SYT5: variants seen among roughly 807,000 people sequenced by gnomAD.
SYT5 encodes synaptotagmin-5.
SYT5 carries 29 observed loss-of-function variants against 36.0 expected under a neutral mutation model. The ratio of observed to expected loss-of-function variants is 0.81; its 90% CI spans 0.60 to 1.10. SYT5 has a LOEUF of 1.10. SYT5 is among the 50% of genes least tolerant of loss of function. SYT5 has a pLI of 0.00. For synonymous variants in SYT5, 231 were observed against 227.6 expected (o/e 1.02, Z -0.14); for missense variants, 512 against 516.0 (o/e 0.99, Z 0.08).
intron 3 of SYT5, among the ~76,000 whole-genome samples, chr19:55,176,413 C>T (rs1242292821): frequency 1.3e-5 from 2 of 152,172 alleles, no homozygotes; most frequent in Admixed American, 6.5e-5. Flanking sequence ...TCCCATTGCC[C>T]ACAGGAATAA....
At position 55,178,240 on chromosome 19, in the gene SYT5, G is replaced by A. The variant is rs761771414; in HGVS notation, c.208C>T (p.His70Tyr). 2 of 1,609,862 alleles carry A rather than the reference G, an allele frequency of 1.2e-6. No individual in the cohort carries two copies. Among genetic ancestry groups the A allele is most frequent in the South Asian group, 2.2e-5 (2 of 90,146 alleles). ...CCCAGCCCCTTCACTTCCTGAAGGT[G>A]GACCTGGGCTTGGGCCTGGCTCTTC... ...GKKSQAQAQVHLQEVKGLGQS... is the reference protein window; with the variant it reads ...GKKSQAQAQVYLQEVKGLGQS... The change falls in exon 3 of 9, where the codon CAC becomes TAC. Residue 70 changes from histidine (H) to tyrosine (Y), a missense_variant. By Grantham distance (83) the His-to-Tyr change is moderately conservative (BLOSUM62 2). Coordinates refer to ENST00000354308, the MANE Select transcript of SYT5 (RefSeq NM_003180.3).
chr19:55,175,999 A>T lies in SYT5; in HGVS notation c.372+6T>A, dbSNP rs1599944731. The stretch of plus-strand genomic sequence containing the variant: ...CCTCCAAAGCTTCCCCTTCCTCCAC[A>T]CCCACCTGGCCACTCTGGAAGTCAT... On this transcript the variant is annotated splice_donor_region_variant and intron_variant, in intron 4 of 8. Coordinates refer to ENST00000354308, the MANE Select transcript of SYT5 (RefSeq NM_003180.3). This position sits in a 1 kb window ranked among gnomAD's most constrained non-coding sequence, Gnocchi z 4.5. 1.2e-6 allele frequency: 2 copies of T among 1,613,796 alleles called. No homozygotes were observed. Among genetic ancestry groups the T allele is most frequent in the Non-Finnish European group, 1.7e-6 (2 of 1,179,960 alleles).
rs1336309033 is a variant in SYT5 at position 55,171,713 on chromosome 19, C to T, written c.*1771G>A. ...AGATGCGGCGGCTCATGTCTACAGT[C>T]CCAGCTACTCACACAGGAGGATTGC... On this transcript the variant is annotated 3_prime_UTR_variant, in exon 9 of 9. Transcript: ENST00000354308. 1 of 152,064 alleles carries T rather than the reference C, an allele frequency of 6.6e-6. No homozygotes were observed. The highest frequency in any genetic ancestry group is 2.4e-5 in the African/African-American group (1 of 41,396). 9.4% of individuals were successfully genotyped at this position (152,064 alleles called of 1,614,324 possible). A position where few individuals can be genotyped will look rare whatever the true frequency, so the allele number is the denominator to read the frequency against.
In SYT5 at chr19:55,178,313, G is replaced by A. The variant is rs773075079; in HGVS notation, c.135C>T (p.Ser45=). 1 of 1,612,154 alleles carries A rather than the reference G, an allele frequency of 6.2e-7. No individual in the cohort carries two copies. The highest frequency in any genetic ancestry group is 8.5e-7 in the Non-Finnish European group (1 of 1,179,434). The change falls in exon 3 of 9, where the codon AGC becomes AGT. Residue 45 remains serine (S), a synonymous_variant. Coordinates refer to ENST00000354308, the MANE Select transcript of SYT5 (RefSeq NM_003180.3). ...TCTTCCGGTAGAGACAGAAACAGCAGCTGAAGATGAGGAGGCCTGAGACCA... is the reference window on the plus strand; with the variant it reads ...TCTTCCGGTAGAGACAGAAACAGCAACTGAAGATGAGGAGGCCTGAGACCA... ...IVLVSGLLIF[S]CCFCLYRKSC...
rs1385640906 is a variant in SYT5 at position 55,175,571 on chromosome 19, T to A, written c.540+138A>T. The A allele has an allele frequency of 8.1e-7, 1 of 1,237,424 alleles. No individual in the cohort carries two copies. Among genetic ancestry groups the A allele is most frequent in the East Asian group, 2.4e-5 (1 of 42,274 alleles). The allele number at this position is 1,237,424 out of a possible 1,614,324, so 76.7% of individuals were successfully genotyped here. A position where few individuals can be genotyped will look rare whatever the true frequency, so the allele number is the denominator to read the frequency against. ...GCCCAGGAGTCAGTAGTGCCCAGGG[T>A]CCAGTGGAATAGCCCCAGAGCTGGT... On this transcript the variant is annotated intron_variant, in intron 5 of 8. Coordinates refer to ENST00000354308, the MANE Select transcript of SYT5 (RefSeq NM_003180.3). This position sits in a 1 kb window ranked among gnomAD's most constrained non-coding sequence, Gnocchi z 4.5.
Position 55,175,056 on chromosome 19 carries a change from G to C in SYT5, c.709-57C>G, listed in dbSNP as rs1161308828. 3 of 1,603,642 alleles carry C rather than the reference G, an allele frequency of 1.9e-6. No homozygotes were observed. In the African/African-American group the frequency reaches 4.0e-5, roughly 21 times the overall value. On this transcript the variant is annotated intron_variant, in intron 6 of 8. Transcript: ENST00000354308. This position sits in a 1 kb window ranked among gnomAD's most constrained non-coding sequence, Gnocchi z 4.5. ...CGGCTCCACATCCATGCCTCCTCAG[G>C]GGTACAATCCACGCCGCCCTGAGGG...
chr19:55,176,082 G>A lies in SYT5; in HGVS notation c.295C>T (p.Pro99Ser), dbSNP rs774882460. ...TGCTTGTCTGCCACCTGCTGCCCTGGCCCGGATGGTGCTGGCTCCAGCTCC... is the reference window on the plus strand; with the variant it reads ...TGCTTGTCTGCCACCTGCTGCCCTGACCCGGATGGTGCTGGCTCCAGCTCC... ...VEELEPAPSG[P>S]GQQVADKHEL... Residue 99 changes from proline (P) to serine (S), a missense_variant, in exon 4 of 9, where the codon CCA becomes TCA. Physicochemically the swap from Pro to Ser is moderately conservative, Grantham distance 74 (BLOSUM62 -1). Coordinates refer to ENST00000354308, the MANE Select transcript of SYT5 (RefSeq NM_003180.3). 2 of 1,614,146 alleles carry A rather than the reference G, an allele frequency of 1.2e-6. No individual in the cohort carries two copies.
rs1376382509 is a variant in SYT5 at position 55,175,922 on chromosome 19, A to G, written c.373-46T>C. The G allele has an allele frequency of 1.2e-6, 2 of 1,613,330 alleles. No homozygotes were observed. The highest frequency in any genetic ancestry group is 2.2e-5 in the South Asian group (2 of 91,064). The stretch of plus-strand genomic sequence containing the variant: ...GGGGGAGGTGGGGAACACTAGTCTT[A>G]GCCTCCCTTCCATGGCTCCTTTCAG... On this transcript the variant is annotated intron_variant, in intron 4 of 8. Transcript: ENST00000354308. The surrounding 1 kb of genome is among the most constrained non-coding windows in gnomAD (Gnocchi z 4.5).
rs1477639122 is a variant in SYT5, at chr19:55,175,509, T to C, written c.541-170A>G. Among the ~76,000 whole-genome samples the C allele has an allele frequency of 6.6e-6, 1 of 151,976 alleles. No individual in the cohort carries two copies. The highest frequency in any genetic ancestry group is 1.5e-5 in the Non-Finnish European group (1 of 67,982). ...CATGCGGAAAAAAATCACGGGTCAG[T>C]GGAACCCAAATCGTACCGCCCAAGG... On this transcript the variant is annotated intron_variant, in intron 5 of 8. Transcript: ENST00000354308. This position sits in a 1 kb window ranked among gnomAD's most constrained non-coding sequence, Gnocchi z 4.5.
Position 55,175,974 on chromosome 19 carries a change from C to T in SYT5, c.372+31G>A. On this transcript the variant is annotated intron_variant, in intron 4 of 8. Coordinates refer to ENST00000354308, the MANE Select transcript of SYT5 (RefSeq NM_003180.3). The surrounding 1 kb of genome is among the most constrained non-coding windows in gnomAD (Gnocchi z 4.5). ...AGGGGTTGGAACCCCCGGGATCCTC[C>T]CTCCAAAGCTTCCCCTTCCTCCACA... The T allele has an allele frequency of 6.2e-7, 1 of 1,613,804 alleles. No homozygotes were observed. The highest frequency in any genetic ancestry group is 8.5e-7 in the Non-Finnish European group (1 of 1,179,910).
Position 55,173,068 on chromosome 19 carries a change from A to AC in SYT5, c.*415dup, listed in dbSNP as rs2086022022. ...TCCTCTTGGGTCCCAGCCCTTGCCCACCCCCATCAAGGAGCATGGGCCCAG... is the reference window on the plus strand; with the variant it reads ...TCCTCTTGGGTCCCAGCCCTTGCCCACCCCCCATCAAGGAGCATGGGCCCAG... On this transcript the variant is annotated 3_prime_UTR_variant, in exon 9 of 9. Transcript: ENST00000354308. This position sits in a 1 kb window ranked among gnomAD's most constrained non-coding sequence, Gnocchi z 5.4. The AC allele has an allele frequency of 6.0e-6, 1 of 167,870 alleles. No homozygotes were observed. The highest frequency in any genetic ancestry group is 2.4e-5 in the African/African-American group (1 of 42,184). The allele number at this position is 167,870 out of a possible 1,614,324, so 10.4% of individuals were successfully genotyped here.
intron 3 of SYT5, chr19:55,176,327 T>G: frequency 1.5e-6 from 1 of 651,926 alleles, no homozygotes; most frequent in Non-Finnish European, 2.6e-6. Context: ...TGTGAAGGTT[T>G]GATTAGTGGT....
In SYT5 at chr19:55,179,001, T is replaced by C; in HGVS notation, c.41A>G (p.Asp14Gly). The change falls in exon 2 of 9, where the codon GAC becomes GGC. Residue 14 changes from aspartate to glycine, a missense_variant. Physicochemically the swap from Asp to Gly is moderately conservative, Grantham distance 94. Transcript: ENST00000354308. This position sits in a 1 kb window ranked among gnomAD's most constrained non-coding sequence, Gnocchi z 4.5. ...EPPTPGPPSPDTPPDSSRISH... is the reference protein window; with the variant it reads ...EPPTPGPPSPGTPPDSSRISH... ...GATGCGACTGGAGTCGGGAGGCGTG[T>C]CGGGCGATGGAGGCCCCGGGGTTGG... The C allele has an allele frequency of 6.3e-7, 1 of 1,594,918 alleles. No individual in the cohort carries two copies. The highest frequency in any genetic ancestry group is 8.5e-7 in the Non-Finnish European group (1 of 1,171,248).
Position 55,178,371 on chromosome 19 carries a change from G to C in SYT5, c.80-3C>G. ...GGTGGCCAGGGCCCAGGGGGGCACT[G>C]CAGAGGGGTGGAGACAACACACATT... On this transcript the variant is annotated splice_polypyrimidine_tract_variant and splice_region_variant and intron_variant, in intron 2 of 8. Transcript: ENST00000354308. 1 of 1,608,620 alleles carries C rather than the reference G, an allele frequency of 6.2e-7. No individual in the cohort carries two copies. Among genetic ancestry groups the C allele is most frequent in the Non-Finnish European group, 8.5e-7 (1 of 1,178,298 alleles).
rs768104737 is a variant in SYT5 at position 55,178,981 on chromosome 19, G to T, written c.61C>A (p.Arg21Ser). 14 of 1,573,666 alleles carry T rather than the reference G, an allele frequency of 8.9e-6. No homozygotes were observed. The Admixed American group carries it at 2.0e-4, about 23-fold the overall frequency. ...TGCTCACCTGGGCCGTGGCTGATGC[G>T]ACTGGAGTCGGGAGGCGTGTCGGGC... Reference protein sequence around the residue: ...PSPDTPPDSSRISHGPVPPWA... With the variant: ...PSPDTPPDSSSISHGPVPPWA... Residue 21 changes from arginine (R) to serine (S), a missense_variant, in exon 2 of 9, where the codon CGC becomes AGC. Coordinates refer to ENST00000354308, the MANE Select transcript of SYT5 (RefSeq NM_003180.3).
At position 55,178,243 on chromosome 19, in the gene SYT5, C is replaced by T. The variant is rs1439774790; in HGVS notation, c.205G>A (p.Val69Ile). Reference protein sequence around the residue: ...TGKKSQAQAQVHLQEVKGLGQ... With the variant: ...TGKKSQAQAQIHLQEVKGLGQ... ...AGCCCCTTCACTTCCTGAAGGTGGA[C>T]CTGGGCTTGGGCCTGGCTCTTCTTG... Residue 69 changes from valine (V) to isoleucine (I), a missense_variant, in exon 3 of 9, where the codon GTC (valine) becomes ATC (isoleucine). Physicochemically the swap from Val to Ile is conservative, Grantham distance 29. Coordinates refer to ENST00000354308, the MANE Select transcript of SYT5 (RefSeq NM_003180.3). 6 of 1,609,780 alleles carry T rather than the reference C, an allele frequency of 3.7e-6. No individual in the cohort carries two copies. In the Admixed American group the frequency reaches 5.1e-5, roughly 14 times the overall value.
At position 55,175,146 on chromosome 19, in the gene SYT5, C is replaced by T. The variant is rs764313147; in HGVS notation, c.708+26G>A. 1 of 1,578,648 alleles carries T rather than the reference C, an allele frequency of 6.3e-7. No homozygotes were observed. Among genetic ancestry groups the T allele is most frequent in the East Asian group, 2.3e-5 (1 of 43,132 alleles). ...GGCGGGACTGGGCCTGGGGGCGTGG[C>T]TCGGGGCGCGACCGCGCATGCTCAC... On this transcript the variant is annotated intron_variant, in intron 6 of 8. Transcript: ENST00000354308. This position sits in a 1 kb window ranked among gnomAD's most constrained non-coding sequence, Gnocchi z 4.5.
At chr19:55,174,484 T>C (rs369032368) in intron 8 of SYT5, 33 bp downstream of exon 8, 2 of 1,609,710 alleles carry the variant, frequency 1.2e-6, no homozygotes, top group Non-Finnish European at 1.7e-6. Flanking sequence ...ACTAAAGGTC[T>C]GGGCTCTTGG....
Position 55,175,886 on chromosome 19 carries a change from C to T in SYT5, c.373-10G>A, listed in dbSNP as rs1378306925. The T allele has an allele frequency of 7.4e-6, 12 of 1,614,046 alleles. No homozygotes were observed. Among genetic ancestry groups the T allele is most frequent in the Admixed American group, 1.7e-5 (1 of 59,990 alleles). ...GAATGCCCACCAGCAGCTGCAGGGC[C>T]CAGGCACAGTGGGGGAGGTGGGGAA... is the stretch of plus-strand genomic sequence containing the variant. On this transcript the variant is annotated splice_polypyrimidine_tract_variant and intron_variant, in intron 4 of 8. Transcript: ENST00000354308. This position sits in a 1 kb window ranked among gnomAD's most constrained non-coding sequence, Gnocchi z 4.5.
Sources: allele counts gnomAD v4.1 joint callset (sites outside exome capture counted in the v4.1 genomes callset), GRCh38; gene constraint gnomAD v4.1.1; non-coding constraint Gnocchi (gnomAD v3.1); transcripts MANE v1.5; gene names NCBI Gene and HGNC (gene_info 2026-07-23, HGNC 2026-07-21).